The following DNM3 variants were observed in gnomAD, a reference collection of about 807,000 sequenced individuals.
DNM3 encodes the protein dynamin 3, also known as dynamin-3.
A neutral mutation model predicts 101.6 loss-of-function variants in DNM3; 47 were observed. That is an observed-to-expected ratio of 0.46 (90% CI 0.37 to 0.59). The LOEUF (loss-of-function observed/expected upper bound fraction) is 0.59. Ranked by LOEUF, DNM3 falls within the 20% of genes least tolerant of loss-of-function variation. The pLI is 0.00. For synonymous variants in DNM3, 385 were observed against 387.9 expected (o/e 0.99, Z 0.09); for missense variants, 849 against 1,085.7 (o/e 0.78, Z 3.06).
At chr1:171,958,920 G>A (rs992307138) in intron 2 of DNM3, among the ~76,000 whole-genome samples, 3 of 152,118 alleles carry the variant, frequency 2.0e-5, no homozygotes, top group Non-Finnish European at 2.9e-5. Context: ...TGAATATTAT[G>A]TAGCAGTAAA....
intron 4 of DNM3, among the ~76,000 whole-genome samples, chr1:171,998,630 G>A (rs753726164): frequency 1.3e-5 from 2 of 152,040 alleles, no homozygotes; most frequent in African/African-American, 2.4e-5. Context: ...ATTCTAATGG[G>A]GGAAACAGCC....
intron 14 of DNM3, among the ~76,000 whole-genome samples, chr1:172,225,139 T>TTTTTA (rs2148581478): frequency 7.4e-6 from 1 of 135,914 alleles, no homozygotes; most frequent in East Asian, 2.1e-4. Flanking sequence ...TTCCTCTTTT[T>TTTTTA]TTTTTTTTTT....
chr1:171,978,508 A>G (rs961867909), intron 2 of DNM3, among the ~76,000 whole-genome samples: 2 of 152,124 alleles, frequency 1.3e-5, no homozygotes, highest in Non-Finnish European at 2.9e-5. Context: ...GGAGGTAGTG[A>G]TAGAGATGGC....
chr1:172,109,626 A>G (rs1484129891), intron 13 of DNM3, among the ~76,000 whole-genome samples: 1 of 152,216 alleles, frequency 6.6e-6, no homozygotes, highest in Non-Finnish European at 1.5e-5. Context: ...ACAGATGCAA[A>G]GCCTCGCTGT....
chr1:171,963,799 A>C (rs2043381342), intron 2 of DNM3, among the ~76,000 whole-genome samples: 1 of 151,240 alleles, frequency 6.6e-6, no homozygotes, highest in African/African-American at 2.4e-5. Flanking sequence ...CAGCCAAAAA[A>C]AAATCCTAAG....
rs981336620 is a variant in DNM3 at position 172,205,185 on chromosome 1, CT to C, written c.1660-48383del. Among the ~76,000 whole-genome samples the C allele has an allele frequency of 3.0e-4, 45 of 152,202 alleles. 1 individual carries two copies. The highest frequency in any genetic ancestry group is 1.1e-3 in the African/African-American group (44 of 41,540). On this transcript the variant is annotated intron_variant, in intron 14 of 20. Coordinates refer to ENST00000627582, the MANE Select transcript of DNM3 (RefSeq NM_015569.5). ...CATCAGAATAGAGGGTAAATTCAAA[CT>C]TTTTATCAGGGCATAATCTTTTATA...
intron 14 of DNM3, among the ~76,000 whole-genome samples, chr1:172,213,945 G>A (rs776804548): frequency 3.9e-5 from 6 of 151,970 alleles, no homozygotes; most frequent in Non-Finnish European, 8.8e-5. Context: ...TCATTATTTG[G>A]CATAGCAAGA....
At chr1:172,253,501 TCTCCTCTCCTCTCCTCTCC>T (rs2062266419) in intron 14 of DNM3, 53 bp from the exon 15 acceptor site, 1 of 159,376 alleles carries the variant, frequency 6.3e-6, no homozygotes, top group African/African-American at 4.5e-5. Context: ...TCTCCTCTCC[TCTCCTCTCCTCTCCTCTCC>T]TCTCCTCTCC....
chr1:172,353,203 A>G (rs897824634), intron 17 of DNM3, among the ~76,000 whole-genome samples: 6 of 152,068 alleles, frequency 3.9e-5, no homozygotes. Context: ...TACCGGATGA[A>G]CATCTTCCTA....
intron 2 of DNM3, among the ~76,000 whole-genome samples, chr1:171,987,027 C>T (rs2045311152): frequency 6.6e-6 from 1 of 151,876 alleles, no homozygotes; most frequent in African/African-American, 2.4e-5. Flanking sequence ...GTGTTTTTCC[C>T]TCTGCTGAGG....
intron 2 of DNM3, among the ~76,000 whole-genome samples, chr1:171,978,075 A>G (rs764854690): frequency 1.3e-5 from 2 of 152,136 alleles, no homozygotes; most frequent in African/African-American, 4.8e-5. Context: ...CTACTCATTC[A>G]TTTATTTATT....
intron 14 of DNM3, among the ~76,000 whole-genome samples, chr1:172,238,882 T>A (rs573771238): frequency 2.1e-4 from 32 of 151,944 alleles, no homozygotes; most frequent in Non-Finnish European, 4.3e-4. Flanking sequence ...CTTGAGACCC[T>A]TGCTCAGTTT....
intron 14 of DNM3, among the ~76,000 whole-genome samples, chr1:172,229,361 A>G (rs2061249310): frequency 6.6e-6 from 1 of 152,182 alleles, no homozygotes. Context: ...ATGTTATAAA[A>G]CAATCTGAGA....
chr1:172,351,304 A>T (rs997984322), intron 17 of DNM3, among the ~76,000 whole-genome samples: 3 of 152,208 alleles, frequency 2.0e-5, no homozygotes, highest in African/African-American at 7.2e-5. Flanking sequence ...GAATGAATAC[A>T]CAAAATGGGA....
intron 1 of DNM3, among the ~76,000 whole-genome samples, chr1:171,847,902 G>GTT (rs2032402730): frequency 6.7e-6 from 1 of 149,266 alleles, no homozygotes; most frequent in Non-Finnish European, 1.5e-5. Context: ...CTCTCTGTGT[G>GTT]TGTGTGTGTG....
intron 16 of DNM3, among the ~76,000 whole-genome samples, 199 bp from the exon 17 acceptor site, chr1:172,323,130 T>C (rs1444671985): frequency 6.6e-6 from 1 of 152,210 alleles, no homozygotes; most frequent in East Asian, 1.9e-4. Context: ...GACTTGTCCA[T>C]GAGCTCTGGA....
intron 18 of DNM3, among the ~76,000 whole-genome samples, chr1:172,384,856 A>G (rs1002940293): frequency 1.3e-5 from 2 of 152,244 alleles, no homozygotes; most frequent in South Asian, 2.1e-4. Flanking sequence ...GAATTGCACC[A>G]TGCATCCAAC....
chr1:171,868,844 C>T (rs1179468512), intron 1 of DNM3, among the ~76,000 whole-genome samples: 2 of 151,682 alleles, frequency 1.3e-5, no homozygotes, highest in African/African-American at 4.8e-5. Context: ...AGTGCAGTGG[C>T]GCAATCTTGG....
chr1:172,152,859 A>G (rs779921164), intron 14 of DNM3, among the ~76,000 whole-genome samples: 15 of 152,192 alleles, frequency 9.9e-5, no homozygotes, highest in Non-Finnish European at 1.9e-4. Context: ...GATAATTTAC[A>G]TAACTGTGTA....
Sources: allele counts gnomAD v4.1 joint callset (sites outside exome capture counted in the v4.1 genomes callset), GRCh38; gene constraint gnomAD v4.1.1; transcripts MANE v1.5; gene names NCBI Gene and HGNC (gene_info 2026-07-23, HGNC 2026-07-21).